DDX6: variants seen among roughly 807,000 people sequenced by gnomAD.
DDX6 encodes the protein DEAD-box helicase 6.
In DDX6, 7 loss-of-function variants were observed where a neutral mutation model predicts 60.6. The observed-to-expected ratio is 0.12, with a 90% CI of 0.07 to 0.22. The LOEUF (loss-of-function observed/expected upper bound fraction) is 0.22, where lower values mean the gene tolerates loss of function less well. Among genes scored for constraint, DDX6 ranks in the 10% least tolerant of loss-of-function variants. The pLI is 1.00. For missense variants in DDX6, 270 were observed against 589.9 expected, an observed-to-expected ratio of 0.46 and a Z score of 5.62; for synonymous variants, 207 against 201.0, an observed-to-expected ratio of 1.03 and a Z score of -0.25.
intron 1 of DDX6, chr11:118,789,587 T>G (rs533539372): frequency 6.6e-6 from 1 of 152,348 alleles, no homozygotes; most frequent in Admixed American, 6.5e-5. Flanking sequence ...AGCTGTTTAC[T>G]TCAGACTCTG....
chr11:118,751,998 T>C lies in DDX6; in HGVS notation c.*107A>G, dbSNP rs1555157531. On this transcript the variant is annotated 3_prime_UTR_variant, in exon 14 of 14. Transcript: ENST00000534980. ...ATGTCTGAGCTCTTTTAAGTCTTCA[T>C]AGTTCCAAAATAAAAGATGAAAAAC... The C allele has an allele frequency of 1.5e-5, 5 of 331,686 alleles. No individual in the cohort carries two copies. The highest frequency in any genetic ancestry group is 4.7e-5 in the South Asian group (2 of 42,514). The allele number at this position is 331,686 out of a possible 1,614,324, so 20.5% of individuals were successfully genotyped here.
chr11:118,787,728 T>C (rs1033850180), intron 1 of DDX6: 1 of 152,206 alleles, frequency 6.6e-6, no homozygotes, highest in African/African-American at 2.4e-5. Context: ...GAGAATAGTG[T>C]ATTTCTGCCA....
rs1860761822 is a variant in DDX6 at position 118,751,328 on chromosome 11, T to A, written c.*777A>T. 6.6e-6 allele frequency: 1 copy of A among 152,038 alleles called. No individual in the cohort carries two copies. Among genetic ancestry groups the A allele is most frequent in the East Asian group, 1.9e-4 (1 of 5,192 alleles). The allele number at this position is 152,038 out of a possible 1,614,324, so 9.4% of individuals were successfully genotyped here. ...TTCCTTTGGGAGCGATGATGTTTTT[T>A]ATCTACTCAGCCCAGAAGAAATTTT... On this transcript the variant is annotated 3_prime_UTR_variant, in exon 14 of 14. Coordinates refer to ENST00000534980, the MANE Select transcript of DDX6 (RefSeq NM_004397.6).
Position 118,765,339 on chromosome 11 carries a change from G to A in DDX6, c.516C>T (p.Pro172=), listed in dbSNP as rs1555161087. The part of the protein sequence containing the change: ...KDNIQAMVIV[P]TRELALQVSQ... The stretch of plus-strand genomic sequence containing the variant: ...TGACCTGTAGAGCAAGTTCTCTAGT[G>A]GGAACAATCACCATTGCTGAAACAG... The change falls in exon 6 of 14, where the codon CCC becomes CCT. Residue 172 remains proline, a synonymous_variant. Coordinates refer to ENST00000534980, the MANE Select transcript of DDX6 (RefSeq NM_004397.6). The A allele has an allele frequency of 1.9e-6, 3 of 1,613,750 alleles. No individual in the cohort carries two copies. The highest frequency in any genetic ancestry group is 2.5e-6 in the Non-Finnish European group (3 of 1,179,860).
intron 13 of DDX6, among the ~76,000 whole-genome samples, chr11:118,754,033 G>T (rs568510349): frequency 8.5e-5 from 13 of 152,296 alleles, no homozygotes; most frequent in Non-Finnish European, 1.5e-4. Flanking sequence ...GGGAGGCAGA[G>T]GTTGCAGTGG....
intron 10 of DDX6, 61 bp downstream of exon 10, chr11:118,757,110 A>G (rs1432692675): frequency 1.1e-6 from 1 of 919,610 alleles, no homozygotes; most frequent in Non-Finnish European, 1.6e-6. Flanking sequence ...AAAGAACATT[A>G]AAACAAAATA....
intron 6 of DDX6, among the ~76,000 whole-genome samples, chr11:118,763,852 A>AAAAAAAG (rs1555160808): frequency 6.8e-6 from 1 of 146,328 alleles, no homozygotes; most frequent in Non-Finnish European, 1.5e-5. Flanking sequence ...AAAAAAAAAA[A>AAAAAAAG]AAAGAAAGAA....
intron 1 of DDX6, chr11:118,789,961 G>T (rs1024707851): frequency 1.3e-5 from 2 of 152,108 alleles, no homozygotes. Context: ...AACAAGAAAC[G>T]TAGACTAGTT....
At chr11:118,776,831 CAA>C (rs200480268) in intron 4 of DDX6, among the ~76,000 whole-genome samples, 13 of 94,430 alleles carry the variant, frequency 1.4e-4, no homozygotes, top group Admixed American at 1.2e-4. Context: ...GGCTCTGTCT[CAA>C]AAAAAAAAAA....
intron 4 of DDX6, among the ~76,000 whole-genome samples, chr11:118,772,316 A>G (rs1384394896): frequency 6.6e-6 from 1 of 152,182 alleles, no homozygotes; most frequent in Non-Finnish European, 1.5e-5. Context: ...AATATTATTC[A>G]GGAAAAAGGA....
rs1459435552 is a variant in DDX6, at chr11:118,749,491, G to A, written c.*2614C>T. 1.3e-5 allele frequency: 2 copies of A among 151,826 alleles called. No homozygotes were observed. Among genetic ancestry groups the A allele is most frequent in the African/African-American group, 4.8e-5 (2 of 41,296 alleles). 9.4% of individuals were successfully genotyped at this position (151,826 alleles called of 1,614,324 possible). A position where few individuals can be genotyped will look rare whatever the true frequency, so the allele number is the denominator to read the frequency against. The stretch of plus-strand genomic sequence containing the variant: ...CTCTACAAGACCGTGTCCAGTAGTG[G>A]TGTCCCAGATAGTTTAAGTGCCACT... On this transcript the variant is annotated 3_prime_UTR_variant, in exon 14 of 14. Transcript: ENST00000534980.
At chr11:118,772,591 G>A (rs1485372015) in intron 4 of DDX6, among the ~76,000 whole-genome samples, 1 of 152,052 alleles carries the variant, frequency 6.6e-6, no homozygotes, top group African/African-American at 2.4e-5. Flanking sequence ...AACTCTAAAT[G>A]CACTAAAAAG....
At chr11:118,770,024 A>T (rs1186298657) in intron 4 of DDX6, among the ~76,000 whole-genome samples, 2 of 146,826 alleles carry the variant, frequency 1.4e-5, no homozygotes, top group East Asian at 2.0e-4. Flanking sequence ...TGGAATTTTA[A>T]TTTTTTTTCT....
chr11:118,791,080 C>CCGGCTGTCCAGCCCTACCTCCT lies in DDX6; in HGVS notation c.-272_-268+17dup, dbSNP rs1198103713. 6.6e-6 allele frequency: 1 copy of CCGGCTGTCCAGCCCTACCTCCT among 151,752 alleles called. No individual in the cohort carries two copies. The highest frequency in any genetic ancestry group is 6.6e-5 in the Admixed American group (1 of 15,236). The allele number at this position is 151,752 out of a possible 1,614,324, so 9.4% of individuals were successfully genotyped here. ...CCAGCCGCCCGAGCCGCCGGCTCCC[C>CCGGCTGTCCAGCCCTACCTCCT]CGGCTGTCCAGCCCTACCTCCTCCG... On this transcript the variant is annotated intron_variant, in intron 1 of 13. Transcript: ENST00000534980.
At chr11:118,752,660 G>C (rs1265078023) in intron 13 of DDX6, among the ~76,000 whole-genome samples, 1 of 152,064 alleles carries the variant, frequency 6.6e-6, no homozygotes, top group Non-Finnish European at 1.5e-5. Context: ...TACTTAAATA[G>C]GTAAGATGTT....
intron 4 of DDX6, among the ~76,000 whole-genome samples, chr11:118,776,850 GAAAA>G (rs1175342994): frequency 1.4e-5 from 2 of 146,898 alleles, no homozygotes; most frequent in Non-Finnish European, 1.5e-5. Context: ...AAAAAAGAAA[GAAAA>G]AAAAAGACTT....
At chr11:118,784,702 C>G (rs1177220246) in intron 2 of DDX6, among the ~76,000 whole-genome samples, 1 of 151,924 alleles carries the variant, frequency 6.6e-6, no homozygotes, top group Non-Finnish European at 1.5e-5. Context: ...CGTGATCTAC[C>G]TGCCTCAGCC....
At chr11:118,781,046 C>A (rs1397987562) in intron 3 of DDX6, 75 bp downstream of exon 3, 2 of 999,456 alleles carry the variant, frequency 2.0e-6, no homozygotes, top group Admixed American at 2.0e-5. Flanking sequence ...CAATTCCCTC[C>A]AGATACCGAG....
chr11:118,773,183 A>G (rs1241679626), intron 4 of DDX6, among the ~76,000 whole-genome samples: 2 of 152,200 alleles, frequency 1.3e-5, no homozygotes, highest in African/African-American at 4.8e-5. Flanking sequence ...AAAGTGTGGT[A>G]CCAACAAAAG....
Sources: allele counts gnomAD v4.1 joint callset (sites outside exome capture counted in the v4.1 genomes callset), GRCh38; gene constraint gnomAD v4.1.1; transcripts MANE v1.5; gene names NCBI Gene and HGNC (gene_info 2026-07-23, HGNC 2026-07-21).